ABCA13: variants seen among roughly 807,000 people sequenced by gnomAD.
ABCA13 encodes the protein ATP binding cassette subfamily A member 13.
A neutral mutation model predicts 478.7 loss-of-function variants in ABCA13; 476 were observed. That is an observed-to-expected ratio of 0.99 (90% confidence interval 0.92 to 1.07). ABCA13 has a LOEUF of 1.07. Among genes scored for constraint, ABCA13 ranks in the 50% least tolerant of loss-of-function variants. The probability of loss-of-function intolerance (pLI) is 0.00; values close to 1 mark genes in which losing one functional copy is unlikely to be tolerated. For missense variants in ABCA13, 6,060 were observed against 5,910.6 expected (o/e 1.03, Z -0.83); for synonymous variants, 2,252 against 2,158.9 (o/e 1.04, Z -1.20).
intron 29 of ABCA13, among the ~76,000 whole-genome samples, chr7:48,344,162 AG>A (rs1322076532): frequency 6.6e-6 from 1 of 152,172 alleles, no homozygotes; most frequent in Non-Finnish European, 1.5e-5. Context: ...TTGTCCTCTA[AG>A]GGATGTGTGG....
chr7:48,209,202 A>T (rs118098442), intron 3 of ABCA13, among the ~76,000 whole-genome samples: 5,852 of 152,178 alleles, frequency 0.038, 202 homozygotes, highest in Admixed American at 0.11. Flanking sequence ...TTATATTTAC[A>T]TGTAAATTTA....
rs774160754 is a variant in ABCA13 at position 48,410,694 on chromosome 7, T to C, written c.12228+17T>C. ...ACGAGGCAGGTAAGGAGTGCAACCA[T>C]TCTATCTCACTGAAGTCCCATTTCT... is the stretch of plus-strand genomic sequence containing the variant. On this transcript the variant is annotated intron_variant, in intron 40 of 61. Coordinates refer to ENST00000435803, the MANE Select transcript of ABCA13 (RefSeq NM_152701.5). 3.7e-6 allele frequency: 6 copies of C among 1,602,198 alleles called. No individual in the cohort carries two copies. The highest frequency in any genetic ancestry group is 5.1e-6 in the Non-Finnish European group (6 of 1,172,546).
At chr7:48,462,257 C>T (rs1166593962) in intron 43 of ABCA13, among the ~76,000 whole-genome samples, 1 of 152,042 alleles carries the variant, frequency 6.6e-6, no homozygotes, top group Non-Finnish European at 1.5e-5. Flanking sequence ...CATTATCTTG[C>T]AAACACAATG....
Position 48,271,999 on chromosome 7 carries a change from TA to T in ABCA13, c.2338del (p.Ser780ValfsTer2). On this transcript the variant is annotated frameshift_variant, in exon 17 of 62. Transcript: ENST00000435803. LOFTEE classifies it high-confidence loss of function. ...LNISSLWTNH[L>X]KSLKRDPSAT... is the part of the protein sequence containing the mutation. ...ATAAGTTCTCTGTGGACAAATCATTTAAAAAGTTTAAAGAGAGACCCATCTG... is the reference window on the plus strand; with the variant it reads ...ATAAGTTCTCTGTGGACAAATCATTTAAAAGTTTAAAGAGAGACCCATCTG... 6.2e-7 allele frequency: 1 copy of T among 1,613,572 alleles called. No individual in the cohort carries two copies. Among genetic ancestry groups the T allele is most frequent in the Non-Finnish European group, 8.5e-7 (1 of 1,179,680 alleles).
Position 48,272,095 on chromosome 7 carries a change from A to G in ABCA13, c.2429A>G (p.His810Arg). 1.9e-6 allele frequency: 3 copies of G among 1,613,766 alleles called. No individual in the cohort carries two copies. The highest frequency in any genetic ancestry group is 2.5e-6 in the Non-Finnish European group (3 of 1,179,758). Residue 810 changes from histidine to arginine, a missense_variant, in exon 17 of 62, where the codon CAC (histidine) becomes CGC (arginine). Physicochemically the swap from His to Arg is conservative, Grantham distance 29 (BLOSUM62 0). This residue lies in a region of ABCA13 where 4,423 missense variants were observed against 4,309.1 expected (regional missense o/e 1.03). Coordinates refer to ENST00000435803, the MANE Select transcript of ABCA13 (RefSeq NM_152701.5). ...VIWKMQTLGS[H>R]WIRKEPKNLL... Reference sequence around the variant, plus strand: ...TGGAAAATGCAGACTCTCGGAAGTCACTGGATAAGGAAGGAACCAAAAAAT... The same window carrying G: ...TGGAAAATGCAGACTCTCGGAAGTCGCTGGATAAGGAAGGAACCAAAAAAT...
At chr7:48,315,640 G>A (rs563720346) in intron 26 of ABCA13, among the ~76,000 whole-genome samples, 17 of 151,940 alleles carry the variant, frequency 1.1e-4, no homozygotes, top group African/African-American at 3.4e-4. Flanking sequence ...CCACCACGCC[G>A]GCTATTTTTT....
chr7:48,517,002 T>G, intron 52 of ABCA13, 121 bp downstream of exon 52: 2 of 1,128,588 alleles, frequency 1.8e-6, no homozygotes, highest in Non-Finnish European at 2.5e-6. Flanking sequence ...TGGTATCCAC[T>G]GTCTTTAAAC....
At chr7:48,187,836 A>G (rs748213876) in intron 1 of ABCA13, among the ~76,000 whole-genome samples, 27 of 152,110 alleles carry the variant, frequency 1.8e-4, no homozygotes, top group Non-Finnish European at 3.1e-4. Context: ...ACTTGTAAAG[A>G]AATTCTTCAT....
chr7:48,567,894 C>A (rs1787238643), intron 55 of ABCA13, among the ~76,000 whole-genome samples: 1 of 151,958 alleles, frequency 6.6e-6, no homozygotes, highest in African/African-American at 2.4e-5. Context: ...TCACATGTTG[C>A]AATAGTTTTA....
intron 55 of ABCA13, among the ~76,000 whole-genome samples, chr7:48,529,256 G>A (rs745958854): frequency 6.6e-4 from 100 of 152,274 alleles, no homozygotes; most frequent in Non-Finnish European, 1.1e-3. Flanking sequence ...AGCAAACTGG[G>A]CTCAATATCA....
chr7:48,387,633 G>A (rs1223084313), intron 35 of ABCA13, among the ~76,000 whole-genome samples, 189 bp from the exon 36 acceptor site: 3 of 152,158 alleles, frequency 2.0e-5, no homozygotes, highest in East Asian at 1.9e-4. Flanking sequence ...GGATCAGGCC[G>A]AGAAGGGAGA....
intron 10 of ABCA13, among the ~76,000 whole-genome samples, chr7:48,244,170 C>T (rs560536694): frequency 1.3e-5 from 2 of 152,200 alleles, no homozygotes; most frequent in African/African-American, 2.4e-5. Context: ...GTTGGGACCA[C>T]TGCGATGGGT....
At chr7:48,236,612 C>A (rs113173341) in intron 8 of ABCA13, among the ~76,000 whole-genome samples, 2,170 of 152,312 alleles carry the variant, frequency 0.014, 22 homozygotes, top group Middle Eastern at 0.054. Flanking sequence ...TTCTCATATC[C>A]CATCACTTGG....
chr7:48,446,556 A>G (rs1450818389), intron 42 of ABCA13, among the ~76,000 whole-genome samples: 2 of 152,074 alleles, frequency 1.3e-5, no homozygotes, highest in Admixed American at 6.5e-5. Flanking sequence ...TCTTCTGATG[A>G]TGGAAAGCAA....
At chr7:48,546,760 T>C (rs2131164447) in intron 55 of ABCA13, among the ~76,000 whole-genome samples, 2 of 151,786 alleles carry the variant, frequency 1.3e-5, no homozygotes, top group South Asian at 4.2e-4. Flanking sequence ...ATGTATATAA[T>C]ACTTAAAAAT....
chr7:48,546,535 A>G lies in ABCA13; in HGVS notation c.14354+18190A>G, dbSNP rs536401742. ...CTATGATCGTGTGTTAGATTATCAG[A>G]CAATTAAATAATAAACGGGATATAA... On this transcript the variant is annotated intron_variant, in intron 55 of 61. Coordinates refer to ENST00000435803, the MANE Select transcript of ABCA13 (RefSeq NM_152701.5). 3.8e-4 allele frequency among the ~76,000 whole-genome samples: 58 copies of G among 151,476 alleles called. 2 individuals carry two copies. In the South Asian group the frequency reaches 7.7e-3, roughly 20 times the overall value.
At chr7:48,400,055 T>C (rs73099358) in intron 38 of ABCA13, among the ~76,000 whole-genome samples, 3 of 151,790 alleles carry the variant, frequency 2.0e-5, no homozygotes, top group Non-Finnish European at 4.4e-5. Context: ...TTTTTTTTTT[T>C]TTTCTGGAAC....
intron 41 of ABCA13, among the ~76,000 whole-genome samples, chr7:48,413,137 G>C (rs1028170165): frequency 7.2e-5 from 11 of 152,062 alleles, no homozygotes; most frequent in African/African-American, 2.4e-4. Context: ...TATTTGAGAA[G>C]CTTGGTGTCT....
At chr7:48,191,249 T>A (rs939251972) in intron 1 of ABCA13, among the ~76,000 whole-genome samples, 3 of 152,206 alleles carry the variant, frequency 2.0e-5, no homozygotes, top group African/African-American at 7.2e-5. Flanking sequence ...TTAATTGTGG[T>A]CCCTTGAACC....
Sources: gnomAD v4.1 joint callset for allele counts (sites outside exome capture counted in the v4.1 genomes callset) on GRCh38, gnomAD v4.1.1 for gene constraint, gnomAD v4.1.1 regional missense constraint, MANE v1.5 for transcripts, NCBI Gene and HGNC (gene_info 2026-07-23, HGNC 2026-07-21) for gene names.